The following CACNA1B variants were observed in gnomAD, a reference collection of about 807,000 sequenced individuals.
CACNA1B encodes voltage-dependent N-type calcium channel subunit alpha-1B.
Under a neutral mutation model 247.2 loss-of-function variants are expected in CACNA1B, and 70 were observed. The observed-to-expected ratio is 0.28, with a 90% CI of 0.23 to 0.35. The LOEUF (loss-of-function observed/expected upper bound fraction) is 0.35. CACNA1B is among the 10% of genes least tolerant of loss of function. The probability of loss-of-function intolerance (pLI) is 1.00; values close to 1 mark genes in which losing one functional copy is unlikely to be tolerated. For synonymous variants in CACNA1B, 1,231 were observed against 1,294.4 expected (o/e 0.95, Z 1.05); for missense variants, 2,367 against 3,197.4 (o/e 0.74, Z 6.26).
chr9:137,964,518 G>A (rs1958054093), intron 10 of CACNA1B, among the ~76,000 whole-genome samples: 1 of 152,128 alleles, frequency 6.6e-6, no homozygotes, highest in African/African-American at 2.4e-5. Flanking sequence ...TGAAGTTCTT[G>A]TAGTGTGTTT....
intron 15 of CACNA1B, among the ~76,000 whole-genome samples, chr9:138,006,504 C>T (rs908180071): frequency 6.6e-6 from 1 of 152,216 alleles, no homozygotes; most frequent in African/African-American, 2.4e-5. Context: ...TGGGAGCTCC[C>T]TTTTCATTTC....
rs561013681 is a variant in CACNA1B at position 137,986,617 on chromosome 9, G to A, written c.1901+73G>A. Reference sequence around the variant, plus strand: ...AGCAGAGCTCAGAGCAGACGGTGCCGCCCAGGCTGCCTCCACCCACCTTCC... The same window carrying A: ...AGCAGAGCTCAGAGCAGACGGTGCCACCCAGGCTGCCTCCACCCACCTTCC... On this transcript the variant is annotated intron_variant, in intron 14 of 46. Transcript: ENST00000371372. This position sits in a 1 kb window ranked among gnomAD's most constrained non-coding sequence, Gnocchi z 6.0. The A allele has an allele frequency of 1.1e-5, 17 of 1,561,662 alleles. No individual in the cohort carries two copies. Among genetic ancestry groups the A allele is most frequent in the Middle Eastern group, 3.4e-4 (2 of 5,880 alleles).
At chr9:137,953,405 G>A (rs1957901828) in intron 7 of CACNA1B, among the ~76,000 whole-genome samples, 3 of 152,202 alleles carry the variant, frequency 2.0e-5, no homozygotes, top group Non-Finnish European at 1.5e-5. Flanking sequence ...GTTCTGCCAC[G>A]CTGAGCAGGA....
Position 138,010,546 on chromosome 9 carries a change from T to C in CACNA1B, c.2160+469T>C, listed in dbSNP as rs1023717135. 1.3e-4 allele frequency among the ~76,000 whole-genome samples: 20 copies of C among 152,158 alleles called. No homozygotes were observed. The highest frequency in any genetic ancestry group is 1.0e-3 in the Admixed American group (16 of 15,276). On this transcript the variant is annotated intron_variant, in intron 17 of 46. Coordinates refer to ENST00000371372, the MANE Select transcript of CACNA1B (RefSeq NM_000718.4). This position sits in a 1 kb window ranked among gnomAD's most constrained non-coding sequence, Gnocchi z 5.3. ...TGACACAGTCCCCTCCTGGTCATGC[T>C]CTCCCCAGCCCTGGACACTTGTAGT... is the stretch of plus-strand genomic sequence containing the variant.
chr9:138,050,173 C>A lies in CACNA1B; in HGVS notation c.3710+858C>A. 1 of 978,566 alleles carries A rather than the reference C, an allele frequency of 1.0e-6. No homozygotes were observed. Among genetic ancestry groups the A allele is most frequent in the Non-Finnish European group, 1.4e-6 (1 of 705,500 alleles). The allele number at this position is 978,566 out of a possible 1,614,324, so 60.6% of individuals were successfully genotyped here. A position where few individuals can be genotyped will look rare whatever the true frequency, so the allele number is the denominator to read the frequency against. Reference sequence around the variant, plus strand: ...GGGTCATTTCATCTCCAGCCTCACCCCCCGCCCATCCACTTTCACCCCATC... The same window carrying A: ...GGGTCATTTCATCTCCAGCCTCACCACCCGCCCATCCACTTTCACCCCATC... On this transcript the variant is annotated intron_variant, in intron 24 of 46. Coordinates refer to ENST00000371372, the MANE Select transcript of CACNA1B (RefSeq NM_000718.4). The surrounding 1 kb of genome is among the most constrained non-coding windows in gnomAD (Gnocchi z 5.2).
intron 6 of CACNA1B, among the ~76,000 whole-genome samples, chr9:137,922,875 G>A (rs1255700403): frequency 6.6e-6 from 1 of 152,154 alleles, no homozygotes. Context: ...AAGACGTAGA[G>A]CATCTCCATC....
At chr9:137,910,966 T>A (rs1418190167) in intron 3 of CACNA1B, among the ~76,000 whole-genome samples, 1 of 152,236 alleles carries the variant, frequency 6.6e-6, no homozygotes, top group Non-Finnish European at 1.5e-5. Flanking sequence ...CCAAATCCAA[T>A]GTTATGAATA....
rs566766105 is a variant in CACNA1B at position 138,059,550 on chromosome 9, A to G, written c.4585-104A>G. On this transcript the variant is annotated intron_variant, in intron 30 of 46. Transcript: ENST00000371372. The surrounding 1 kb of genome is among the most constrained non-coding windows in gnomAD (Gnocchi z 4.2). ...CCTGTCTGCCCTGTGCTCAGGGTCT[A>G]TCACCCTCACCGCTTTCTTAATCAG... 2.1e-5 allele frequency: 16 copies of G among 747,570 alleles called. No individual in the cohort carries two copies. The highest frequency in any genetic ancestry group is 1.7e-4 in the Admixed American group (9 of 53,930). 46.3% of individuals were successfully genotyped at this position (747,570 alleles called of 1,614,324 possible).
intron 3 of CACNA1B, among the ~76,000 whole-genome samples, chr9:137,900,934 C>T (rs1957231120): frequency 7.5e-6 from 1 of 132,872 alleles, no homozygotes; most frequent in South Asian, 2.4e-4. Flanking sequence ...CATGGTGTGT[C>T]TCTGTCTGTG....
intron 6 of CACNA1B, among the ~76,000 whole-genome samples, chr9:137,921,614 G>A (rs1957480494): frequency 6.8e-6 from 1 of 146,712 alleles, no homozygotes; most frequent in Non-Finnish European, 1.5e-5. Flanking sequence ...AGCATCCTGG[G>A]AGCAGAGTAA....
chr9:138,043,782 G>A lies in CACNA1B; in HGVS notation c.3295G>A (p.Val1099Met), dbSNP rs200861471. The A allele has an allele frequency of 3.2e-4, 509 of 1,613,930 alleles. 5 individuals are homozygous for A. The South Asian group carries it at 5.2e-3, about 16-fold the overall frequency. The change falls in exon 21 of 47, where the codon GTG becomes ATG. Residue 1099 changes from valine (V) to methionine (M), a missense_variant. Val to Met is a conservative substitution (Grantham distance 21). Around this residue, in one of 12 missense-constraint regions of CACNA1B, gnomAD observed 631 missense variants for 631.1 expected, o/e 1.00. Coordinates refer to ENST00000371372, the MANE Select transcript of CACNA1B (RefSeq NM_000718.4). ...GCCCTGTGTCCTTGTAGGTGGTAAC[G>A]TGGACCTGGAAAGCCAAGCAGAGGG... Reference protein sequence around the residue: ...GEATVVPSGNVDLESQAEGKK... With the variant: ...GEATVVPSGNMDLESQAEGKK...
At position 138,057,531 on chromosome 9, in the gene CACNA1B, G is replaced by C. The variant is rs1208373599; in HGVS notation, c.3969-201G>C. ...GTTTTAGCTCCTTACACTTAGGTCT[G>C]GAATCCATCATGAGTTAATTTTTGT... On this transcript the variant is annotated intron_variant, in intron 26 of 46. Coordinates refer to ENST00000371372, the MANE Select transcript of CACNA1B (RefSeq NM_000718.4). This position sits in a 1 kb window ranked among gnomAD's most constrained non-coding sequence, Gnocchi z 4.0. Among the ~76,000 whole-genome samples the C allele has an allele frequency of 6.6e-6, 1 of 152,100 alleles. No homozygotes were observed. The highest frequency in any genetic ancestry group is 1.5e-5 in the Non-Finnish European group (1 of 68,026).
chr9:137,892,587 C>T (rs1011662835), intron 3 of CACNA1B: 10 of 357,146 alleles, frequency 2.8e-5, no homozygotes, highest in Middle Eastern at 1.0e-3. Flanking sequence ...ACAGGCACCC[C>T]GAAGGGGCCA....
chr9:137,918,510 G>T (rs1335345460), intron 6 of CACNA1B, among the ~76,000 whole-genome samples: 1 of 152,140 alleles, frequency 6.6e-6, no homozygotes, highest in Non-Finnish European at 1.5e-5. Flanking sequence ...TGCTGTCAGG[G>T]TGGGGAGGGG....
chr9:137,907,963 C>T (rs1024463666), intron 3 of CACNA1B, among the ~76,000 whole-genome samples: 1 of 152,224 alleles, frequency 6.6e-6, no homozygotes, highest in Non-Finnish European at 1.5e-5. Flanking sequence ...GGAACGGCGC[C>T]ACCGCCTTTG....
chr9:138,118,627 G>A (rs762736331), intron 43 of CACNA1B, 25 bp from the exon 44 acceptor site: 7 of 1,162,720 alleles, frequency 6.0e-6, no homozygotes, highest in Non-Finnish European at 8.8e-6. Flanking sequence ...TGTGTGGTGG[G>A]ACTAGGTGAG....
intron 39 of CACNA1B, among the ~76,000 whole-genome samples, chr9:138,108,144 C>CGGA (rs1267457182): frequency 6.6e-6 from 1 of 151,314 alleles, no homozygotes; most frequent in Non-Finnish European, 1.5e-5. Context: ...TGAGACCAGT[C>CGGA]CGGGCAACAC....
chr9:138,065,357 G>A (rs1959879825), intron 31 of CACNA1B, among the ~76,000 whole-genome samples: 2 of 152,094 alleles, frequency 1.3e-5, no homozygotes, highest in African/African-American at 4.8e-5. Context: ...GGCCGGCATT[G>A]GAAGTGAGGT....
rs188082866 is a variant in CACNA1B at position 137,896,170 on chromosome 9, C to T, written c.530+13287C>T. On this transcript the variant is annotated intron_variant, in intron 3 of 46. Transcript: ENST00000371372. ...AGGAGAATGGCGTGAACCTGGGTGG[C>T]GGAGCTTGCAGTGAGCCGAGATTGC... is the stretch of plus-strand genomic sequence containing the variant. Among the ~76,000 whole-genome samples, 877 of 143,726 alleles carry T rather than the reference C, an allele frequency of 6.1e-3. 13 individuals carry two copies. Among genetic ancestry groups the T allele is most frequent in the Non-Finnish European group, 5.0e-3 (335 of 66,820 alleles). The allele number at this position is 143,726 out of a possible 152,430, so 94.3% of individuals were successfully genotyped here.
Sources: allele counts gnomAD v4.1 joint callset (sites outside exome capture counted in the v4.1 genomes callset), GRCh38; gene constraint gnomAD v4.1.1; regional missense constraint gnomAD v4.1.1; non-coding constraint Gnocchi (gnomAD v3.1); transcripts MANE v1.5; gene names NCBI Gene and HGNC (gene_info 2026-07-23, HGNC 2026-07-21).